The following NEDD9 variants were observed in gnomAD, a reference collection of about 807,000 sequenced individuals.
NEDD9 encodes enhancer of filamentation 1.
In NEDD9, 26 loss-of-function variants were observed where a neutral mutation model predicts 76.6. That is an observed-to-expected ratio of 0.34 (90% CI 0.25 to 0.47). The LOEUF (loss-of-function observed/expected upper bound fraction) is 0.47, where lower values mean the gene tolerates loss of function less well. Among genes scored for constraint, NEDD9 ranks in the 20% least tolerant of loss-of-function variants. The pLI is 1.00. For missense variants in NEDD9, 937 were observed against 1,058.5 expected, an observed-to-expected ratio of 0.89 and a Z score of 1.59; for synonymous variants, 392 against 414.2, an observed-to-expected ratio of 0.95 and a Z score of 0.65.
At chr6:11,277,796 C>G (rs1760447014) in intron 3 of NEDD9, among the ~76,000 whole-genome samples, 2 of 152,194 alleles carry the variant, frequency 1.3e-5, no homozygotes, top group African/African-American at 4.8e-5. Context: ...CGTTCACCCA[C>G]TCTAGGGCAA....
intron 3 of NEDD9, among the ~76,000 whole-genome samples, chr6:11,304,239 A>T (rs186685746): frequency 2.0e-5 from 3 of 152,390 alleles, no homozygotes; most frequent in Admixed American, 1.3e-4. Flanking sequence ...AGAAATGCAT[A>T]TCAAAACCAC....
chr6:11,218,044 A>C (rs1759008150), intron 1 of NEDD9, among the ~76,000 whole-genome samples: 2 of 152,208 alleles, frequency 1.3e-5, no homozygotes, highest in African/African-American at 4.8e-5. Context: ...TCCTCTTCTC[A>C]GCTATGTGCT....
chr6:11,289,989 A>T (rs183022959), intron 3 of NEDD9, among the ~76,000 whole-genome samples: 1 of 152,170 alleles, frequency 6.6e-6, no homozygotes, highest in Non-Finnish European at 1.5e-5. Context: ...GTCAGAGTTT[A>T]AAAAAATAGG....
At chr6:11,301,945 A>T (rs1761055753) in intron 3 of NEDD9, among the ~76,000 whole-genome samples, 1 of 152,252 alleles carries the variant, frequency 6.6e-6, no homozygotes, top group African/African-American at 2.4e-5. Context: ...CTAACATCAC[A>T]ATTAAAAGAA....
chr6:11,257,377 T>C (rs1162925650), intron 3 of NEDD9, among the ~76,000 whole-genome samples: 1 of 152,058 alleles, frequency 6.6e-6, no homozygotes, highest in Non-Finnish European at 1.5e-5. Context: ...CCTGGTGTAG[T>C]CCTCCATCCT....
intron 2 of NEDD9, among the ~76,000 whole-genome samples, chr6:11,332,421 G>C (rs1447524268): frequency 1.3e-5 from 2 of 152,156 alleles, no homozygotes; most frequent in Non-Finnish European, 2.9e-5. Context: ...CTCCAAGACT[G>C]GGAGTTTCCT....
At chr6:11,214,998 A>C (rs1758908979) in intron 1 of NEDD9, among the ~76,000 whole-genome samples, 1 of 152,132 alleles carries the variant, frequency 6.6e-6, no homozygotes, top group Non-Finnish European at 1.5e-5. Flanking sequence ...CGTGGACTTG[A>C]TCATTCAGCC....
Position 11,214,038 on chromosome 6 carries a change from C to T in NEDD9, c.13-311G>A, listed in dbSNP as rs190126950. 2.4e-4 allele frequency among the ~76,000 whole-genome samples: 36 copies of T among 152,180 alleles called. No individual in the cohort carries two copies. In the East Asian group the frequency reaches 6.4e-3, roughly 27 times the overall value. ...TGTTACAGAGTTAGAGCATGGTTCA[C>T]TATACAAAACATTTTTCTTCCTTTT... On this transcript the variant is annotated intron_variant, in intron 1 of 6. Transcript: ENST00000379446.
At chr6:11,238,118 C>G (rs1277338381) in intron 3 of NEDD9, among the ~76,000 whole-genome samples, 1 of 152,106 alleles carries the variant, frequency 6.6e-6, no homozygotes, top group Non-Finnish European at 1.5e-5. Flanking sequence ...CAGCCTTCAC[C>G]GAAACCCTCC....
chr6:11,306,637 G>A (rs1761192895), intron 2 of NEDD9, among the ~76,000 whole-genome samples: 1 of 152,038 alleles, frequency 6.6e-6, no homozygotes, highest in South Asian at 2.1e-4. Flanking sequence ...CATCCCTGAG[G>A]CCCCACCATC....
At chr6:11,293,551 T>C (rs904244911) in intron 3 of NEDD9, among the ~76,000 whole-genome samples, 17 of 152,194 alleles carry the variant, frequency 1.1e-4, no homozygotes, top group African/African-American at 4.1e-4. Context: ...TTGATATACA[T>C]ATACATTGTG....
intron 3 of NEDD9, among the ~76,000 whole-genome samples, chr6:11,242,145 C>G (rs998033339): frequency 6.6e-6 from 1 of 152,146 alleles, no homozygotes; most frequent in South Asian, 2.1e-4. Flanking sequence ...GGAGTATGGA[C>G]GGAGCATTCC....
intron 1 of NEDD9, among the ~76,000 whole-genome samples, chr6:11,334,931 T>C (rs1032621262): frequency 2.0e-5 from 3 of 152,202 alleles, no homozygotes; most frequent in Admixed American, 2.0e-4. Context: ...GCCTTAAAGA[T>C]GAGGAGTGTG....
intron 3 of NEDD9, among the ~76,000 whole-genome samples, chr6:11,286,555 T>C (rs962696952): frequency 6.6e-6 from 1 of 152,154 alleles, no homozygotes; most frequent in South Asian, 2.1e-4. Context: ...TGCCCCCAAC[T>C]GGGAACAAAC....
At chr6:11,239,070 G>A (rs1759660481) in intron 3 of NEDD9, among the ~76,000 whole-genome samples, 1 of 152,128 alleles carries the variant, frequency 6.6e-6, no homozygotes, top group African/African-American at 2.4e-5. Context: ...AGGAGGCTGA[G>A]GGGGGAGGAT....
chr6:11,226,263 T>TG (rs983461854), intron 1 of NEDD9, among the ~76,000 whole-genome samples: 3 of 151,948 alleles, frequency 2.0e-5, no homozygotes, highest in African/African-American at 4.8e-5. Flanking sequence ...GGGTTTTTTT[T>TG]TGTGTGTGTG....
At chr6:11,275,955 C>T (rs1027882395) in intron 3 of NEDD9, among the ~76,000 whole-genome samples, 7 of 152,108 alleles carry the variant, frequency 4.6e-5, no homozygotes, top group South Asian at 2.1e-4. Flanking sequence ...CCTCCTCAAA[C>T]GGGAAGTTAG....
At chr6:11,276,502 C>A (rs1476607976) in intron 3 of NEDD9, among the ~76,000 whole-genome samples, 3 of 152,116 alleles carry the variant, frequency 2.0e-5, no homozygotes, top group Non-Finnish European at 2.9e-5. Flanking sequence ...ATTCCTAGGG[C>A]CTAGAACAGG....
intron 3 of NEDD9, among the ~76,000 whole-genome samples, chr6:11,249,388 G>A (rs1239583959): frequency 6.6e-6 from 1 of 152,186 alleles, no homozygotes; most frequent in East Asian, 1.9e-4. Flanking sequence ...CTCCTCTCTT[G>A]TGCTTTGAAA....
Sources: gnomAD v4.1 joint callset for allele counts (sites outside exome capture counted in the v4.1 genomes callset) on GRCh38, gnomAD v4.1.1 for gene constraint, MANE v1.5 for transcripts, NCBI Gene and HGNC (gene_info 2026-07-23, HGNC 2026-07-21) for gene names.